The following CRK variants were observed in gnomAD, a reference collection of about 807,000 sequenced individuals.
The protein encoded by CRK is adapter molecule crk.
A neutral mutation model predicts 29.8 loss-of-function variants in CRK; 4 were observed. The ratio of observed to expected loss-of-function variants is 0.13; its 90% CI spans 0.07 to 0.31. The LOEUF (loss-of-function observed/expected upper bound fraction) is 0.31. CRK is among the 10% of genes least tolerant of loss of function. CRK has a pLI of 1.00. For missense variants in CRK, 274 were observed against 396.5 expected, an observed-to-expected ratio of 0.69 and a Z score of 2.62; for synonymous variants, 153 against 164.9, an observed-to-expected ratio of 0.93 and a Z score of 0.55.
chr17:1,442,807 A>G (rs191250440), intron 1 of CRK, among the ~76,000 whole-genome samples: 491 of 151,598 alleles, frequency 3.2e-3, no homozygotes, highest in Non-Finnish European at 5.4e-3. Context: ...CAGTTTCACC[A>G]TGTTGGCCTG....
intron 1 of CRK, among the ~76,000 whole-genome samples, chr17:1,438,254 T>C (rs1345714805): frequency 2.0e-5 from 3 of 152,090 alleles, no homozygotes; most frequent in African/African-American, 7.2e-5. Context: ...TTCAGCCTCC[T>C]GAGCAGCTGG....
At chr17:1,439,112 C>G (rs562858508) in intron 1 of CRK, among the ~76,000 whole-genome samples, 4 of 151,896 alleles carry the variant, frequency 2.6e-5, no homozygotes, top group South Asian at 2.1e-4. Flanking sequence ...GTGTGGGACA[C>G]CACGACGGAG....
In CRK at chr17:1,423,407, T is replaced by C. The variant is rs1447061857; in HGVS notation, c.*106A>G. On this transcript the variant is annotated 3_prime_UTR_variant, in exon 3 of 3. Transcript: ENST00000300574. ...AATATCACAGGTAACAGAATGCTTA[T>C]ATAAACTAGACTGCTTTTGACATCT... 1.2e-5 allele frequency: 16 copies of C among 1,379,096 alleles called. No homozygotes were observed. The highest frequency in any genetic ancestry group is 1.5e-5 in the African/African-American group (1 of 68,354). The allele number at this position is 1,379,096 out of a possible 1,614,324, so 85.4% of individuals were successfully genotyped here.
chr17:1,433,508 GCTTTTTTTT>G (rs2073862249), intron 2 of CRK, among the ~76,000 whole-genome samples: 2 of 114,364 alleles, frequency 1.7e-5, no homozygotes. Flanking sequence ...ACCACGCCTG[GCTTTTTTTT>G]TTTTTTTTTT....
intron 2 of CRK, 142 bp from the exon 3 acceptor site, chr17:1,423,792 C>G (rs540106297): frequency 8.0e-4 from 775 of 964,148 alleles, no homozygotes; most frequent in Admixed American, 1.9e-3. Flanking sequence ...CTCCCCAGCC[C>G]CAGCCACCAG....
chr17:1,452,966 A>G (rs2074030011), intron 1 of CRK, among the ~76,000 whole-genome samples: 1 of 152,070 alleles, frequency 6.6e-6, no homozygotes, highest in South Asian at 2.1e-4. Context: ...ACAGTTAACC[A>G]GGCATGGTGG....
chr17:1,447,607 CTT>C (rs34998406), intron 1 of CRK, among the ~76,000 whole-genome samples: 11,969 of 117,738 alleles, frequency 0.1, 408 homozygotes, highest in African/African-American at 0.13. Flanking sequence ...TTCTCTTTTC[CTT>C]TTTTTTTTTT....
chr17:1,424,991 G>A (rs2073763767), intron 2 of CRK: 1 of 151,800 alleles, frequency 6.6e-6, no homozygotes, highest in Non-Finnish European at 1.5e-5. Flanking sequence ...TCCAGCCTGG[G>A]CAACAGAGCC....
chr17:1,450,843 G>A (rs920656611), intron 1 of CRK, among the ~76,000 whole-genome samples: 3 of 151,706 alleles, frequency 2.0e-5, no homozygotes, highest in African/African-American at 4.8e-5. Flanking sequence ...CTGAGATCGC[G>A]CCACTGCACT....
chr17:1,442,743 G>A (rs1357328471), intron 1 of CRK, among the ~76,000 whole-genome samples: 1 of 151,438 alleles, frequency 6.6e-6, no homozygotes, highest in African/African-American at 2.4e-5. Context: ...AAGTAGCTGG[G>A]ATACAGGTGT....
intron 1 of CRK, among the ~76,000 whole-genome samples, chr17:1,454,822 C>T (rs988453511): frequency 6.6e-6 from 1 of 152,144 alleles, no homozygotes; most frequent in Non-Finnish European, 1.5e-5. Flanking sequence ...GTACTAAGGG[C>T]ATCTATCTAT....
At chr17:1,434,242 C>T (rs1479118364) in intron 2 of CRK, among the ~76,000 whole-genome samples, 1 of 152,130 alleles carries the variant, frequency 6.6e-6, no homozygotes, top group African/African-American at 2.4e-5. Context: ...AACAATTCAC[C>T]TGCATCAGAG....
intron 2 of CRK, among the ~76,000 whole-genome samples, chr17:1,425,894 A>G (rs1049551502): frequency 6.6e-6 from 1 of 152,228 alleles, no homozygotes; most frequent in Non-Finnish European, 1.5e-5. Context: ...GAGGTTGAGA[A>G]AAAAATAGCA....
intron 2 of CRK, among the ~76,000 whole-genome samples, chr17:1,434,170 G>T (rs1020706166): frequency 1.3e-5 from 2 of 152,106 alleles, no homozygotes; most frequent in East Asian, 1.9e-4. Context: ...AACAGGTAGT[G>T]TATCTAGGGC....
intron 2 of CRK, among the ~76,000 whole-genome samples, chr17:1,433,825 G>GTTT (rs56071119): frequency 1.5e-4 from 19 of 127,326 alleles, no homozygotes; most frequent in African/African-American, 5.5e-4. Context: ...AGCATGTATG[G>GTTT]TTTTTTTTTT....
At position 1,423,489 on chromosome 17, in the gene CRK, G is replaced by A. The variant is rs748688807; in HGVS notation, c.*24C>T. On this transcript the variant is annotated 3_prime_UTR_variant, in exon 3 of 3. Coordinates refer to ENST00000300574, the MANE Select transcript of CRK (RefSeq NM_016823.4). ...AAAAAAAAAAAGATTGTTCCCATCT[G>A]TCAGCAAAACTGTTGAACTATACTC... 2 of 1,583,042 alleles carry A rather than the reference G, an allele frequency of 1.3e-6. No individual in the cohort carries two copies. Among genetic ancestry groups the A allele is most frequent in the Non-Finnish European group, 1.7e-6 (2 of 1,165,148 alleles).
intron 1 of CRK, among the ~76,000 whole-genome samples, chr17:1,453,276 C>T (rs984186241): frequency 6.6e-6 from 1 of 151,996 alleles, no homozygotes; most frequent in Non-Finnish European, 1.5e-5. Context: ...AGGTGGTGCT[C>T]GATTATCACG....
At chr17:1,451,902 T>C (rs1273065711) in intron 1 of CRK, among the ~76,000 whole-genome samples, 3 of 152,010 alleles carry the variant, frequency 2.0e-5, no homozygotes, top group African/African-American at 2.4e-5. Flanking sequence ...GGAGAATCAC[T>C]TGAACCTGGG....
chr17:1,440,204 CAGG>C (rs1402971500), intron 1 of CRK, among the ~76,000 whole-genome samples: 2 of 151,282 alleles, frequency 1.3e-5, no homozygotes, highest in Non-Finnish European at 2.9e-5. Context: ...GAGGCTGAGG[CAGG>C]AGAATGGCAT....
Sources: allele counts gnomAD v4.1 joint callset (sites outside exome capture counted in the v4.1 genomes callset), GRCh38; gene constraint gnomAD v4.1.1; transcripts MANE v1.5; gene names NCBI Gene and HGNC (gene_info 2026-07-23, HGNC 2026-07-21).